Variants in DHRSX observed in about 807,000 individuals in gnomAD.
The protein encoded by DHRSX is polyprenol dehydrogenase.
DHRSX carries 31 observed loss-of-function variants against 34.0 expected under a neutral mutation model. The observed-to-expected ratio is 0.91, with a 90% confidence interval of 0.69 to 1.23. DHRSX has a LOEUF of 1.23. Ranked by LOEUF, DHRSX falls within the 50% of genes most tolerant of loss-of-function variation. DHRSX has a pLI of 0.00. For synonymous variants in DHRSX, 201 were observed against 183.8 expected (o/e 1.09, Z -0.76); for missense variants, 414 against 428.1 (o/e 0.97, Z 0.29).
intron 1 of DHRSX, among the ~76,000 whole-genome samples, chrX:2,445,844 G>C (rs1278837948): frequency 6.8e-6 from 1 of 147,898 alleles, no homozygotes; most frequent in African/African-American, 2.5e-5. Flanking sequence ...TACACACTGA[G>C]GACGTTCCCT....
chrX:2,452,123 C>T (rs1353739629), intron 1 of DHRSX, among the ~76,000 whole-genome samples: 1 of 151,976 alleles, frequency 6.6e-6, no homozygotes. Flanking sequence ...AAGCATACGG[C>T]CAAGGGACTG....
intron 3 of DHRSX, among the ~76,000 whole-genome samples, chrX:2,381,381 G>A (rs1031847888): frequency 4.7e-4 from 71 of 152,146 alleles, no homozygotes; most frequent in Non-Finnish European, 9.0e-4. Context: ...ACCAGACACT[G>A]AACGTGGCAT....
At chrX:2,476,822 G>A (rs1056609066) in intron 1 of DHRSX, among the ~76,000 whole-genome samples, 2 of 152,040 alleles carry the variant, frequency 1.3e-5, no homozygotes, top group African/African-American at 4.8e-5. Flanking sequence ...TGGCCAACAT[G>A]GAAAAACCCG....
At chrX:2,345,909 A>G (rs2042703328) in intron 3 of DHRSX, among the ~76,000 whole-genome samples, 1 of 152,172 alleles carries the variant, frequency 6.6e-6, no homozygotes, top group South Asian at 2.1e-4. Context: ...CCATATGAGC[A>G]AAATTCCTTA....
At chrX:2,419,605 T>C (rs1170002747) in intron 2 of DHRSX, among the ~76,000 whole-genome samples, 1 of 152,044 alleles carries the variant, frequency 6.6e-6, no homozygotes, top group Non-Finnish European at 1.5e-5. Flanking sequence ...TAAGAAAATG[T>C]GGCACATATA....
intron 3 of DHRSX, among the ~76,000 whole-genome samples, chrX:2,399,946 G>A (rs767460979): frequency 2.0e-3 from 297 of 152,016 alleles, no homozygotes; most frequent in Non-Finnish European, 3.3e-3. Flanking sequence ...GGCTGGGGTA[G>A]GAAGTTTCCT....
At chrX:2,487,345 C>T (rs1319195081) in intron 1 of DHRSX, 1 of 151,574 alleles carries the variant, frequency 6.6e-6, no homozygotes, top group East Asian at 2.0e-4. Context: ...GAAGACATAA[C>T]CTCCGGACCC....
At chrX:2,435,065 A>T (rs1310728370) in intron 1 of DHRSX, among the ~76,000 whole-genome samples, 1 of 150,072 alleles carries the variant, frequency 6.7e-6, no homozygotes, top group African/African-American at 2.5e-5. Flanking sequence ...AGGACAGGAG[A>T]GGAGGTTGAG....
At chrX:2,319,630 T>C (rs996333881) in intron 3 of DHRSX, among the ~76,000 whole-genome samples, 2 of 151,888 alleles carry the variant, frequency 1.3e-5, no homozygotes, top group Non-Finnish European at 2.9e-5. Flanking sequence ...TTCTCTTCCT[T>C]AGCATTTTTT....
chrX:2,275,313 C>T (rs1473454547), intron 4 of DHRSX, among the ~76,000 whole-genome samples: 3 of 139,508 alleles, frequency 2.2e-5, no homozygotes, highest in Admixed American at 7.8e-5. Flanking sequence ...GCCTGGCCAA[C>T]TTGGTGAAAC....
At chrX:2,434,936 G>GA (rs1368120560) in intron 1 of DHRSX, among the ~76,000 whole-genome samples, 1 of 151,984 alleles carries the variant, frequency 6.6e-6, no homozygotes, top group African/African-American at 2.4e-5. Flanking sequence ...TTGAGTGAAG[G>GA]AAAAAAAGAC....
At chrX:2,394,183 A>G (rs1266560621) in intron 3 of DHRSX, among the ~76,000 whole-genome samples, 1 of 152,178 alleles carries the variant, frequency 6.6e-6, no homozygotes, top group African/African-American at 2.4e-5. Flanking sequence ...ATCTGAGCAG[A>G]CAGGGCGCCG....
At chrX:2,383,676 G>A (rs2043239629) in intron 3 of DHRSX, among the ~76,000 whole-genome samples, 1 of 152,142 alleles carries the variant, frequency 6.6e-6, no homozygotes, top group Non-Finnish European at 1.5e-5. Context: ...GACCATCATG[G>A]GGCTGGGGAA....
chrX:2,282,934 G>A (rs1286624771), intron 4 of DHRSX, among the ~76,000 whole-genome samples: 2 of 151,474 alleles, frequency 1.3e-5, no homozygotes, highest in African/African-American at 2.4e-5. Context: ...AGCGGGGATG[G>A]GGTAGACTGA....
intron 5 of DHRSX, among the ~76,000 whole-genome samples, chrX:2,249,512 C>CA (rs1265114813): frequency 1.7e-5 from 2 of 116,850 alleles, no homozygotes; most frequent in South Asian, 5.8e-4. Flanking sequence ...CCTTTTTGTG[C>CA]CTTTTTTTTT....
intron 3 of DHRSX, among the ~76,000 whole-genome samples, chrX:2,400,236 C>T (rs2043469569): frequency 6.6e-6 from 1 of 152,158 alleles, no homozygotes; most frequent in Admixed American, 6.6e-5. Context: ...CACAAGAATT[C>T]TGTACATTAA....
At chrX:2,344,998 G>T (rs748205531) in intron 3 of DHRSX, among the ~76,000 whole-genome samples, 1 of 150,394 alleles carries the variant, frequency 6.6e-6, no homozygotes, top group South Asian at 2.1e-4. Flanking sequence ...GCCTGTGACA[G>T]AGACAGAGGC....
chrX:2,399,903 G>A (rs2043465731), intron 3 of DHRSX, among the ~76,000 whole-genome samples: 1 of 151,840 alleles, frequency 6.6e-6, no homozygotes, highest in East Asian at 1.9e-4. Context: ...GCCATGTGTA[G>A]TGGTGCATGC....
intron 5 of DHRSX, among the ~76,000 whole-genome samples, chrX:2,255,560 A>G (rs1373796735): frequency 6.6e-6 from 1 of 152,172 alleles, no homozygotes; most frequent in Non-Finnish European, 1.5e-5. Flanking sequence ...CCATGCCTAT[A>G]ACAACTCCAT....
Sources: allele counts gnomAD v4.1 joint callset (sites outside exome capture counted in the v4.1 genomes callset), GRCh38; gene constraint gnomAD v4.1.1; transcripts MANE v1.5; gene names NCBI Gene and HGNC (gene_info 2026-07-23, HGNC 2026-07-21).